NYAP2: variants seen among roughly 807,000 people sequenced by gnomAD.
NYAP2 encodes neuronal tyrosine-phosphorylated phosphoinositide-3-kinase adaptor 2.
NYAP2 carries 23 observed loss-of-function variants against 50.4 expected under a neutral mutation model. The ratio of observed to expected loss-of-function variants is 0.46; its 90% CI spans 0.33 to 0.65. The LOEUF (loss-of-function observed/expected upper bound fraction) is 0.65. Ranked by LOEUF, NYAP2 falls within the 30% of genes least tolerant of loss-of-function variation. The probability of loss-of-function intolerance (pLI) is 0.02; values close to 1 mark genes in which losing one functional copy is unlikely to be tolerated. For synonymous variants in NYAP2, 394 were observed against 365.2 expected (o/e 1.08, Z -0.90); for missense variants, 885 against 861.0 (o/e 1.03, Z -0.35).
intron 5 of NYAP2, among the ~76,000 whole-genome samples, chr2:225,610,990 G>T (rs1398051617): frequency 6.6e-6 from 1 of 152,150 alleles, no homozygotes; most frequent in Non-Finnish European, 1.5e-5. Context: ...ATGCCACGTA[G>T]AATTTGCCTT....
chr2:225,680,563 T>C, the NYAP2 span, among the ~76,000 whole-genome samples: 1 of 152,188 alleles, frequency 6.6e-6, no homozygotes, highest in Non-Finnish European at 1.5e-5. Context: ...TTGCAACTTA[T>C]ATAACTTTAT....
chr2:225,450,190 A>G (rs1689628024), intron 3 of NYAP2, among the ~76,000 whole-genome samples: 1 of 152,178 alleles, frequency 6.6e-6, no homozygotes, highest in Non-Finnish European at 1.5e-5. Flanking sequence ...GTAAGTATAG[A>G]GTAGGGAGCA....
intron 3 of NYAP2, among the ~76,000 whole-genome samples, chr2:225,498,969 T>G (rs188396856): frequency 7.4e-4 from 113 of 152,288 alleles, no homozygotes; most frequent in Middle Eastern, 3.4e-3. Context: ...TGTCTCAGAA[T>G]GCAGGTAACC....
intron 4 of NYAP2, among the ~76,000 whole-genome samples, chr2:225,556,686 G>C (rs1327848282): frequency 6.6e-6 from 1 of 152,170 alleles, no homozygotes; most frequent in Non-Finnish European, 1.5e-5. Flanking sequence ...AGTTTGTACA[G>C]TCTCTGGTTG....
chr2:225,457,775 T>C (rs1342741659), intron 3 of NYAP2, among the ~76,000 whole-genome samples: 6 of 152,204 alleles, frequency 3.9e-5, no homozygotes, highest in Non-Finnish European at 7.3e-5. Context: ...CCAAAGGTCA[T>C]GTGGCAGGCA....
chr2:225,643,692 T>C (rs1205921237), intron 6 of NYAP2, among the ~76,000 whole-genome samples: 2 of 151,454 alleles, frequency 1.3e-5, no homozygotes, highest in Non-Finnish European at 2.9e-5. Flanking sequence ...GAATATGCGG[T>C]GTTTGGTTTT....
intron 3 of NYAP2, among the ~76,000 whole-genome samples, chr2:225,459,830 G>A (rs764841321): frequency 2.0e-5 from 3 of 151,754 alleles, no homozygotes; most frequent in East Asian, 3.9e-4. Flanking sequence ...CCGCCACCAC[G>A]CCTGGCTAAT....
rs762429077 is a variant in NYAP2, at chr2:225,582,554, G to A, written c.1137G>A (p.Ser379=). The A allele has an allele frequency of 3.0e-5, 48 of 1,581,960 alleles. No individual in the cohort carries two copies. Among genetic ancestry groups the A allele is most frequent in the South Asian group, 5.8e-5 (5 of 85,970 alleles). ...ACATGAAACAGCCAGCCGGGGCGTC[G>A]CCCTCCACGCTGCCGTCCCACGTCC... Residue 379 remains serine, a synonymous_variant, in exon 5 of 7, where the codon TCG becomes TCA. Transcript: ENST00000636099. This position sits in a 1 kb window ranked among gnomAD's most constrained non-coding sequence, Gnocchi z 7.0.
intron 4 of NYAP2, among the ~76,000 whole-genome samples, chr2:225,552,898 G>T (rs1358564866): frequency 6.6e-6 from 1 of 152,140 alleles, no homozygotes; most frequent in African/African-American, 2.4e-5. Flanking sequence ...ATATTGGCCA[G>T]GTTGGTCTCC....
chr2:225,538,589 C>T (rs1691392236), intron 4 of NYAP2, among the ~76,000 whole-genome samples: 1 of 152,146 alleles, frequency 6.6e-6, no homozygotes, highest in Non-Finnish European at 1.5e-5. Flanking sequence ...CACAAAACCA[C>T]GTTTTCCTCC....
exon 6 of NYAP2, chr2:225,627,088 C>G: frequency 6.3e-7 from 1 of 1,594,810 alleles, no homozygotes; most frequent in Non-Finnish European, 8.5e-7. Context: ...GGAAGATGCT[C>G]TGTGAGCCCC....
chr2:225,699,161 C>T, the NYAP2 span: 1 of 151,892 alleles, frequency 6.6e-6, no homozygotes, highest in East Asian at 1.9e-4. Flanking sequence ...ATTTTTGCTA[C>T]ATTGGCTTTA....
At chr2:225,598,057 C>G (rs1363603980) in intron 5 of NYAP2, among the ~76,000 whole-genome samples, 1 of 152,092 alleles carries the variant, frequency 6.6e-6, no homozygotes, top group Non-Finnish European at 1.5e-5. Context: ...AAGCCATTCT[C>G]TGTTCCCACA....
intron 5 of NYAP2, among the ~76,000 whole-genome samples, chr2:225,597,291 C>T (rs1291627294): frequency 6.6e-6 from 1 of 151,142 alleles, no homozygotes; most frequent in African/African-American, 2.4e-5. Flanking sequence ...TTATCACTCA[C>T]CCCCCTCCCA....
At chr2:225,566,211 A>G (rs898127764) in intron 4 of NYAP2, among the ~76,000 whole-genome samples, 1 of 152,176 alleles carries the variant, frequency 6.6e-6, no homozygotes, top group Non-Finnish European at 1.5e-5. Context: ...TATCATTATT[A>G]CTATTATTAC....
At chr2:225,663,132 G>A in the NYAP2 span, among the ~76,000 whole-genome samples, 1 of 152,156 alleles carries the variant, frequency 6.6e-6, no homozygotes, top group Non-Finnish European at 1.5e-5. Flanking sequence ...CATGCATGGA[G>A]CACTAGGGAG....
At chr2:225,529,475 G>A (rs1188011383) in intron 4 of NYAP2, among the ~76,000 whole-genome samples, 1 of 151,826 alleles carries the variant, frequency 6.6e-6, no homozygotes, top group African/African-American at 2.4e-5. Flanking sequence ...ACAGACATGA[G>A]CCACCACGTC....
chr2:225,637,698 G>C (rs1217475750), intron 6 of NYAP2, among the ~76,000 whole-genome samples: 1 of 152,102 alleles, frequency 6.6e-6, no homozygotes, highest in African/African-American at 2.4e-5. Flanking sequence ...ATTTCTCTGT[G>C]GAAAACTGTG....
chr2:225,597,512 A>AATATATATATATATATATATATACATAT, intron 5 of NYAP2, among the ~76,000 whole-genome samples: 5 of 46,256 alleles, frequency 1.1e-4, no homozygotes, highest in South Asian at 1.0e-3. Flanking sequence ...TCCAAGGAGA[A>AATATATATATATATATATATATACATAT]ATATATATAT....
Sources: allele counts gnomAD v4.1 joint callset (sites outside exome capture counted in the v4.1 genomes callset), GRCh38; gene constraint gnomAD v4.1.1; non-coding constraint Gnocchi (gnomAD v3.1); transcripts MANE v1.5; gene names NCBI Gene and HGNC (gene_info 2026-07-23, HGNC 2026-07-21).